Variants in NRG1 observed in about 807,000 individuals in gnomAD.
NRG1 encodes the protein pro-neuregulin-1, membrane-bound isoform.
A neutral mutation model predicts 63.8 loss-of-function variants in NRG1; 18 were observed. The observed-to-expected ratio is 0.28, with a 90% CI of 0.19 to 0.42. The LOEUF (loss-of-function observed/expected upper bound fraction) is 0.42, where lower values mean the gene tolerates loss of function less well. Among genes scored for constraint, NRG1 ranks in the 10% least tolerant of loss-of-function variants. The probability of loss-of-function intolerance (pLI) is 1.00; values close to 1 mark genes in which losing one functional copy is unlikely to be tolerated. For missense variants in NRG1, 762 were observed against 814.7 expected (o/e 0.94, Z 0.79); for synonymous variants, 302 against 301.3 (o/e 1.00, Z -0.02).
intron 1 of NRG1, among the ~76,000 whole-genome samples, chr8:32,467,518 C>A (rs532678763): frequency 1.4e-3 from 216 of 152,330 alleles, no homozygotes; most frequent in African/African-American, 5.0e-3. Flanking sequence ...AAGAAAATTT[C>A]TTTCCATGCT....
At chr8:31,717,802 G>A (rs1812508451) in intron 1 of NRG1, among the ~76,000 whole-genome samples, 1 of 151,960 alleles carries the variant, frequency 6.6e-6, no homozygotes, top group South Asian at 2.1e-4. Context: ...TGGCATTTTT[G>A]TTGTTATTGT....
chr8:32,486,626 G>A lies in NRG1; in HGVS notation c.38-109202G>A, dbSNP rs1264531226. Among the ~76,000 whole-genome samples, 4 of 70,986 alleles carry A rather than the reference G, an allele frequency of 5.6e-5. No individual in the cohort carries two copies. In the East Asian group the frequency reaches 2.6e-3, roughly 47 times the overall value. 46.6% of individuals were successfully genotyped at this position (70,986 alleles called of 152,430 possible). On this transcript the variant is annotated intron_variant, in intron 1 of 10. Transcript: ENST00000519301. Reference sequence around the variant, plus strand: ...TCCTCAAGAGGCTACAGAATTGCTGGATTTTTTTTTTTTTTTGGAATGGAG... The same window carrying A: ...TCCTCAAGAGGCTACAGAATTGCTGAATTTTTTTTTTTTTTTGGAATGGAG...
intron 5 of NRG1, among the ~76,000 whole-genome samples, chr8:32,715,425 A>G (rs778066789): frequency 6.6e-6 from 1 of 152,128 alleles, no homozygotes; most frequent in Non-Finnish European, 1.5e-5. Flanking sequence ...TAGGCATGAA[A>G]GGCATGAGGA....
chr8:32,057,102 G>A (rs1257209821), intron 1 of NRG1, among the ~76,000 whole-genome samples: 1 of 152,094 alleles, frequency 6.6e-6, no homozygotes, highest in Non-Finnish European at 1.5e-5. Context: ...CATAAAGATG[G>A]CAAAAAGTAG....
chr8:32,127,765 C>G (rs768254767), intron 1 of NRG1, among the ~76,000 whole-genome samples: 2 of 151,700 alleles, frequency 1.3e-5, no homozygotes, highest in Admixed American at 1.3e-4. Context: ...ACAACATTAT[C>G]AGTGGGATGG....
intron 1 of NRG1, among the ~76,000 whole-genome samples, chr8:32,280,691 G>GTTTTTTTTTTTTTT (rs1174950316): frequency 2.6e-4 from 15 of 57,628 alleles, no homozygotes; most frequent in African/African-American, 7.2e-4. Flanking sequence ...TTTTTTTTTT[G>GTTTTTTTTTTTTTT]TTTTTTTTTT....
downstream of NRG1, among the ~76,000 whole-genome samples, chr8:32,771,715 AAT>A (rs1193253997): frequency 9.8e-5 from 11 of 111,846 alleles, no homozygotes; most frequent in African/African-American, 3.1e-4. Context: ...TTAAAAAAAA[AAT>A]ATATATATAT....
At chr8:32,111,905 A>C (rs959226244) in intron 1 of NRG1, among the ~76,000 whole-genome samples, 8 of 152,114 alleles carry the variant, frequency 5.3e-5, no homozygotes, top group African/African-American at 1.9e-4. Flanking sequence ...GGTCAGTTTG[A>C]GGTTTCTTAC....
intron 5 of NRG1, among the ~76,000 whole-genome samples, chr8:32,634,265 A>C (rs1850908976): frequency 6.6e-6 from 1 of 152,068 alleles, no homozygotes; most frequent in East Asian, 1.9e-4. Flanking sequence ...TTTTATTTTA[A>C]TTTCTAATTT....
intron 1 of NRG1, among the ~76,000 whole-genome samples, chr8:32,435,950 G>T (rs1818732425): frequency 6.6e-6 from 1 of 152,032 alleles, no homozygotes; most frequent in South Asian, 2.1e-4. Context: ...CTTTCATAGG[G>T]TATATTCATC....
chr8:31,686,875 T>C lies in NRG1; in HGVS notation c.37+47444T>C, dbSNP rs117019524. On this transcript the variant is annotated intron_variant, in intron 1 of 10. Transcript: ENST00000519301. ...CCTCCGCTTCCTTGGTTCAACGATT[T>C]CTCTGTCTCAGCCTTCTGAGTAGCT... Among the ~76,000 whole-genome samples, 2,001 of 152,242 alleles carry C rather than the reference T, an allele frequency of 0.013. 63 individuals are homozygous for C. The South Asian group carries it at 0.14, about 11-fold the overall frequency.
At chr8:32,380,061 C>T (rs182133532) in intron 1 of NRG1, among the ~76,000 whole-genome samples, 94 of 152,306 alleles carry the variant, frequency 6.2e-4, no homozygotes, top group Non-Finnish European at 1.1e-3. Flanking sequence ...TCATCACCAT[C>T]TCCACTTTCT....
intron 1 of NRG1, among the ~76,000 whole-genome samples, chr8:32,112,515 G>T (rs1832166909): frequency 6.6e-6 from 1 of 152,172 alleles, no homozygotes; most frequent in Non-Finnish European, 1.5e-5. Flanking sequence ...CATCCATCTT[G>T]CAAAGCAAAT....
chr8:32,233,568 T>A (rs1389467315), intron 1 of NRG1, among the ~76,000 whole-genome samples: 4 of 109,426 alleles, frequency 3.7e-5, no homozygotes, highest in East Asian at 2.1e-4. Flanking sequence ...TATATATTTT[T>A]TTTTTTTTTT....
intron 1 of NRG1, among the ~76,000 whole-genome samples, chr8:31,918,239 T>C (rs1833584066): frequency 1.3e-5 from 2 of 152,234 alleles, no homozygotes; most frequent in African/African-American, 4.8e-5. Context: ...CAACAGTATG[T>C]TGAATAGTAG....
intron 1 of NRG1, among the ~76,000 whole-genome samples, chr8:32,583,783 C>A (rs1712842484): frequency 6.6e-6 from 1 of 152,186 alleles, no homozygotes; most frequent in Admixed American, 6.5e-5. Flanking sequence ...CATACATGAT[C>A]TCATTGTTCA....
chr8:32,677,235 C>T (rs545070960), intron 5 of NRG1, among the ~76,000 whole-genome samples: 1 of 152,202 alleles, frequency 6.6e-6, no homozygotes, highest in East Asian at 1.9e-4. Context: ...CCAAATACTG[C>T]CTAACTTCTT....
At chr8:32,190,199 A>ATT (rs1842355105) in intron 1 of NRG1, among the ~76,000 whole-genome samples, 1 of 150,742 alleles carries the variant, frequency 6.6e-6, no homozygotes. Flanking sequence ...TATTATTATT[A>ATT]ATTTTTTTCT....
intron 1 of NRG1, among the ~76,000 whole-genome samples, chr8:32,165,778 A>G (rs1377129794): frequency 6.6e-6 from 1 of 152,180 alleles, no homozygotes; most frequent in African/African-American, 2.4e-5. Context: ...AGTGTCTGGT[A>G]TCTAGTCTAT....
Sources: allele counts gnomAD v4.1 joint callset (sites outside exome capture counted in the v4.1 genomes callset), GRCh38; gene constraint gnomAD v4.1.1; transcripts MANE v1.5; gene names NCBI Gene and HGNC (gene_info 2026-07-23, HGNC 2026-07-21).